Variants in PARD3 observed in about 807,000 individuals in gnomAD.
PARD3 encodes par-3 family cell polarity regulator, also known as partitioning defective 3 homolog.
A neutral mutation model predicts 155.4 loss-of-function variants in PARD3; 75 were observed. That is an observed-to-expected ratio of 0.48 (90% CI 0.40 to 0.58). PARD3 has a LOEUF of 0.58. Among genes scored for constraint, PARD3 ranks in the 20% least tolerant of loss-of-function variants. The probability of loss-of-function intolerance (pLI) is 0.00; values close to 1 mark genes in which losing one functional copy is unlikely to be tolerated. For missense variants in PARD3, 1,642 were observed against 1,721.7 expected (o/e 0.95, Z 0.82); for synonymous variants, 576 against 610.5 (o/e 0.94, Z 0.83).
chr10:34,493,712 A>T (rs1398658710), intron 3 of PARD3, among the ~76,000 whole-genome samples: 1 of 151,784 alleles, frequency 6.6e-6, no homozygotes, highest in Admixed American at 6.6e-5. Context: ...AACCTGGGCG[A>T]CAAAAGCGAA....
At chr10:34,311,032 T>C (rs1435026122) in intron 20 of PARD3, among the ~76,000 whole-genome samples, 2 of 152,216 alleles carry the variant, frequency 1.3e-5, no homozygotes, top group African/African-American at 2.4e-5. Context: ...GTGAAACTGG[T>C]CACATTAATC....
At chr10:34,455,300 T>C (rs1026399023) in intron 4 of PARD3, among the ~76,000 whole-genome samples, 3 of 152,186 alleles carry the variant, frequency 2.0e-5, no homozygotes, top group Non-Finnish European at 2.9e-5. Flanking sequence ...ATGCATCATA[T>C]GGTTTCAAAT....
Position 34,677,844 on chromosome 10 carries a change from T to TA in PARD3, c.222+18473dup, listed in dbSNP as rs547268989. Among the ~76,000 whole-genome samples, 1,190 of 151,936 alleles carry TA rather than the reference T, an allele frequency of 7.8e-3. 10 individuals are homozygous for TA. Among genetic ancestry groups the TA allele is most frequent in the Non-Finnish European group, 0.014 (941 of 67,938 alleles). ...CATGGCACTCATCCAAAAGTAAAAA[T>TA]AAAAAAAGCACATTTTATGTGCAGG... On this transcript the variant is annotated intron_variant, in intron 2 of 24. Coordinates refer to ENST00000374788, the MANE Select transcript of PARD3 (RefSeq NM_001184785.2).
chr10:34,680,984 T>TA (rs77097866), intron 2 of PARD3, among the ~76,000 whole-genome samples: 8,070 of 126,550 alleles, frequency 0.064, 246 homozygotes, highest in African/African-American at 0.09. Flanking sequence ...TAAAGTATAA[T>TA]AAAAAAAAAA....
chr10:34,781,305 G>T (rs1222055489), intron 1 of PARD3, among the ~76,000 whole-genome samples: 2 of 152,220 alleles, frequency 1.3e-5, no homozygotes, highest in Admixed American at 1.3e-4. Flanking sequence ...CAGGACCCAT[G>T]CAGTCCTTGG....
intron 22 of PARD3, among the ~76,000 whole-genome samples, chr10:34,144,286 A>T (rs1948349919): frequency 6.6e-6 from 1 of 152,172 alleles, no homozygotes; most frequent in African/African-American, 2.4e-5. Flanking sequence ...AAACTTCTTA[A>T]ATGAAACTTC....
Position 34,194,612 on chromosome 10 carries a change from C to CT in PARD3, c.3420-63030dup, listed in dbSNP as rs34506915. On this transcript the variant is annotated intron_variant, in intron 22 of 24. Coordinates refer to ENST00000374788, the MANE Select transcript of PARD3 (RefSeq NM_001184785.2). ...ATGAATACCCTGGAATATGCCAAAG[C>CT]TTTTTTTTTTTTTTTTTTTTCTTAA... Among the ~76,000 whole-genome samples the CT allele has an allele frequency of 9.9e-5, 12 of 120,954 alleles. No homozygotes were observed. The East Asian group carries it at 1.3e-3, about 13-fold the overall frequency. 79.4% of individuals were successfully genotyped at this position (120,954 alleles called of 152,430 possible).
chr10:34,425,781 G>C, intron 5 of PARD3, among the ~76,000 whole-genome samples: 1 of 152,144 alleles, frequency 6.6e-6, no homozygotes, highest in Non-Finnish European at 1.5e-5. Context: ...TCCCCTTCTA[G>C]TTTAACTCTT....
At chr10:34,131,622 A>T (rs1174208746) in intron 22 of PARD3, 39 bp from the exon 23 acceptor site, 1 of 1,598,710 alleles carries the variant, frequency 6.3e-7, no homozygotes, top group Admixed American at 1.7e-5. Context: ...ACCCTTCAGA[A>T]ATATTATCTG....
intron 11 of PARD3, among the ~76,000 whole-genome samples, chr10:34,372,822 T>A (rs1840826560): frequency 6.6e-6 from 1 of 152,166 alleles, no homozygotes; most frequent in Admixed American, 6.6e-5. Flanking sequence ...CTCACCAAAC[T>A]GCTTTCCTAA....
At chr10:34,584,181 C>G (rs940742906) in intron 2 of PARD3, among the ~76,000 whole-genome samples, 1 of 152,180 alleles carries the variant, frequency 6.6e-6, no homozygotes, top group Non-Finnish European at 1.5e-5. Flanking sequence ...AACAAAAGGG[C>G]AACCCACCAT....
chr10:34,288,958 A>G (rs538774037), intron 20 of PARD3, among the ~76,000 whole-genome samples: 1 of 152,240 alleles, frequency 6.6e-6, no homozygotes, highest in East Asian at 1.9e-4. Context: ...ATATTAAAAT[A>G]GAAGAACGAC....
At chr10:34,731,437 T>C (rs1019394730) in intron 1 of PARD3, among the ~76,000 whole-genome samples, 2 of 152,228 alleles carry the variant, frequency 1.3e-5, no homozygotes, top group Non-Finnish European at 2.9e-5. Flanking sequence ...CTAGACAAAT[T>C]TGTAGTGATT....
chr10:34,250,135 TAAAGA>T (rs1290448967), intron 22 of PARD3, among the ~76,000 whole-genome samples: 2 of 150,060 alleles, frequency 1.3e-5, no homozygotes, highest in African/African-American at 5.1e-5. Context: ...TTTAAAGAAT[TAAAGA>T]AAACTGCTCC....
intron 1 of PARD3, among the ~76,000 whole-genome samples, chr10:34,783,066 G>A (rs928240600): frequency 4.6e-5 from 7 of 152,024 alleles, no homozygotes; most frequent in Admixed American, 1.3e-4. Context: ...TTTAAGACAT[G>A]TTTGTCAGGG....
chr10:34,150,721 C>T (rs1460506613), intron 22 of PARD3, among the ~76,000 whole-genome samples: 3 of 152,176 alleles, frequency 2.0e-5, no homozygotes, highest in Non-Finnish European at 2.9e-5. Context: ...TGCTGGTGAA[C>T]AGTCTTCTCA....
At chr10:34,448,987 C>T (rs10159772) in intron 5 of PARD3, among the ~76,000 whole-genome samples, 4,226 of 146,788 alleles carry the variant, frequency 0.029, 203 homozygotes, top group African/African-American at 0.1. Flanking sequence ...GGCGTGATCT[C>T]GGCTCACTGC....
chr10:34,168,628 C>A (rs149757051), intron 22 of PARD3, among the ~76,000 whole-genome samples: 1 of 152,094 alleles, frequency 6.6e-6, no homozygotes, highest in Non-Finnish European at 1.5e-5. Flanking sequence ...AGGCCCTCCC[C>A]GCGAAGGATT....
chr10:34,265,723 G>A (rs972071875), intron 22 of PARD3, among the ~76,000 whole-genome samples: 5 of 152,264 alleles, frequency 3.3e-5, no homozygotes, highest in Admixed American at 6.5e-5. Flanking sequence ...TCTTACAGGC[G>A]TGTCATTTCA....
Sources: gnomAD v4.1 joint callset for allele counts (sites outside exome capture counted in the v4.1 genomes callset) on GRCh38, gnomAD v4.1.1 for gene constraint, MANE v1.5 for transcripts, NCBI Gene and HGNC (gene_info 2026-07-23, HGNC 2026-07-21) for gene names.